Variants in THSD7B observed in about 807,000 individuals in gnomAD.
The protein encoded by THSD7B is thrombospondin type-1 domain-containing protein 7B.
In THSD7B, 138 loss-of-function variants were observed where a neutral mutation model predicts 213.6. The observed-to-expected ratio is 0.65, with a 90% CI of 0.56 to 0.74. THSD7B has a LOEUF of 0.74. Among genes scored for constraint, THSD7B ranks in the 30% least tolerant of loss-of-function variants. The pLI, the probability that THSD7B is intolerant of heterozygous loss-of-function variation, is 0.00. For missense variants in THSD7B, 1,931 were observed against 1,991.5 expected, an observed-to-expected ratio of 0.97 and a Z score of 0.58; for synonymous variants, 742 against 687.0, an observed-to-expected ratio of 1.08 and a Z score of -1.25.
chr2:137,443,875 T>C (rs1209327827), intron 14 of THSD7B, among the ~76,000 whole-genome samples: 1 of 152,114 alleles, frequency 6.6e-6, no homozygotes, highest in African/African-American at 2.4e-5. Context: ...CCAGTAAAAC[T>C]TTTTTGTCAA....
intron 12 of THSD7B, among the ~76,000 whole-genome samples, chr2:137,355,556 C>T (rs896151961): frequency 6.6e-6 from 1 of 152,028 alleles, no homozygotes; most frequent in Non-Finnish European, 1.5e-5. Context: ...TTTGTTCAGA[C>T]CTGAGAGGGG....
chr2:137,218,759 C>A (rs1294253110), intron 7 of THSD7B, among the ~76,000 whole-genome samples: 1 of 152,026 alleles, frequency 6.6e-6, no homozygotes, highest in African/African-American at 2.4e-5. Flanking sequence ...TATTTATTCT[C>A]TCCCCATTCT....
At chr2:137,382,423 CA>C (rs1291215614) in intron 12 of THSD7B, among the ~76,000 whole-genome samples, 1 of 152,204 alleles carries the variant, frequency 6.6e-6, no homozygotes, top group Non-Finnish European at 1.5e-5. Context: ...GTGCATGTGA[CA>C]ACAGATGGTT....
chr2:137,471,034 C>T (rs1022671592), intron 15 of THSD7B, among the ~76,000 whole-genome samples: 5 of 151,160 alleles, frequency 3.3e-5, no homozygotes, highest in Non-Finnish European at 5.9e-5. Context: ...ATTCTCCTCT[C>T]TCAGCCTCCC....
intron 12 of THSD7B, among the ~76,000 whole-genome samples, chr2:137,312,812 C>T (rs1351073714): frequency 6.6e-6 from 1 of 151,806 alleles, no homozygotes; most frequent in African/African-American, 2.4e-5. Context: ...TGTAGTTGAG[C>T]AGTTTTGAGT....
chr2:137,203,926 C>A (rs768269609), intron 7 of THSD7B, among the ~76,000 whole-genome samples: 2 of 152,048 alleles, frequency 1.3e-5, no homozygotes, highest in Admixed American at 1.3e-4. Flanking sequence ...TCCTCACAAC[C>A]TTTTCCTTGT....
intron 2 of THSD7B, among the ~76,000 whole-genome samples, chr2:137,018,569 T>C (rs777558373): frequency 6.6e-6 from 1 of 152,170 alleles, no homozygotes; most frequent in Non-Finnish European, 1.5e-5. Flanking sequence ...TCTGGAAAAT[T>C]CCATTGTATA....
chr2:137,607,675 G>T (rs915774247), intron 17 of THSD7B, among the ~76,000 whole-genome samples: 3 of 151,966 alleles, frequency 2.0e-5, no homozygotes, highest in Non-Finnish European at 4.4e-5. Flanking sequence ...GGAGAATTCA[G>T]CCCAGCATTT....
At chr2:137,539,575 T>G (rs1045821763) in intron 15 of THSD7B, among the ~76,000 whole-genome samples, 2 of 151,716 alleles carry the variant, frequency 1.3e-5, no homozygotes, top group African/African-American at 4.8e-5. Flanking sequence ...CACATTCTGG[T>G]CATGTGCAAA....
chr2:136,919,155 T>C (rs1040793844), intron 2 of THSD7B, among the ~76,000 whole-genome samples: 6 of 152,218 alleles, frequency 3.9e-5, no homozygotes, highest in Admixed American at 6.5e-5. Context: ...GGTAAATAAT[T>C]GGCAACTCAG....
At chr2:137,567,552 G>T (rs1401730124) in intron 16 of THSD7B, among the ~76,000 whole-genome samples, 1 of 152,082 alleles carries the variant, frequency 6.6e-6, no homozygotes, top group Non-Finnish European at 1.5e-5. Context: ...AGAAGTTAAT[G>T]GTTGGAATCG....
Position 136,957,122 on chromosome 2 carries a change from CA to C in THSD7B, c.139+74806del, listed in dbSNP as rs1315562609. On this transcript the variant is annotated intron_variant, in intron 2 of 27. Transcript: ENST00000409968. The stretch of plus-strand genomic sequence containing the variant: ...TCCAGAAGGGCTCATCTCCTAGTCT[CA>C]GGGGGGAGCATGTGACTTGGCTTGG... Among the ~76,000 whole-genome samples, 18 of 152,300 alleles carry C rather than the reference CA, an allele frequency of 1.2e-4. No individual in the cohort carries two copies. In the South Asian group the frequency reaches 3.7e-3, roughly 32 times the overall value.
At chr2:137,271,436 A>C (rs1451744133) in intron 10 of THSD7B, among the ~76,000 whole-genome samples, 1 of 135,336 alleles carries the variant, frequency 7.4e-6, no homozygotes, top group African/African-American at 2.9e-5. Flanking sequence ...TATAATATAT[A>C]TAATATAATA....
At position 136,942,354 on chromosome 2, in the gene THSD7B, T is replaced by G. The variant is rs139260978; in HGVS notation, c.139+60037T>G. Among the ~76,000 whole-genome samples the G allele has an allele frequency of 8.4e-4, 128 of 152,342 alleles. No individual in the cohort carries two copies. In the East Asian group the frequency reaches 0.021, roughly 25 times the overall value. ...GGCTCTTTTTTGGTTCCATATGAAC[T>G]TTAAAGCAGTTTTTTTTTCCAATTC... is the stretch of plus-strand genomic sequence containing the variant. On this transcript the variant is annotated intron_variant, in intron 2 of 27. Coordinates refer to ENST00000409968, the MANE Select transcript of THSD7B (RefSeq NM_001316349.2).
chr2:137,581,771 T>TAAAAAAAAAA (rs1167680028), intron 17 of THSD7B, among the ~76,000 whole-genome samples: 1 of 126,662 alleles, frequency 7.9e-6, no homozygotes, highest in Non-Finnish European at 1.7e-5. Flanking sequence ...AAAAAAAAAA[T>TAAAAAAAAAA]AAAAAAAAAA....
chr2:136,846,005 G>A lies in THSD7B; in HGVS notation c.-35-36139G>A, dbSNP rs142118338. On this transcript the variant is annotated intron_variant, in intron 1 of 27. Transcript: ENST00000409968. ...GCTCTGGTGAGCACAGGGGGTAGTC[G>A]GTCATCTTCCTGTCACTGTCCCTCA... is the stretch of plus-strand genomic sequence containing the variant. 1.5e-3 allele frequency among the ~76,000 whole-genome samples: 224 copies of A among 152,184 alleles called. 1 individual carries two copies. Among genetic ancestry groups the A allele is most frequent in the African/African-American group, 5.0e-3 (207 of 41,520 alleles).
chr2:137,543,119 T>C (rs1680638906), intron 15 of THSD7B, among the ~76,000 whole-genome samples: 1 of 151,808 alleles, frequency 6.6e-6, no homozygotes, highest in Non-Finnish European at 1.5e-5. Context: ...CAGATTATTC[T>C]AATCTTTGTA....
chr2:137,098,541 T>C (rs978840747), intron 4 of THSD7B, among the ~76,000 whole-genome samples: 2 of 152,116 alleles, frequency 1.3e-5, no homozygotes, highest in South Asian at 2.1e-4. Flanking sequence ...GCACAGGTGA[T>C]GAAATTAAAC....
At chr2:137,391,774 C>A (rs548266501) in intron 12 of THSD7B, among the ~76,000 whole-genome samples, 5 of 149,370 alleles carry the variant, frequency 3.3e-5, no homozygotes, top group African/African-American at 1.2e-4. Flanking sequence ...TATTTCTTTT[C>A]TTCTGTTAAC....
Sources: allele counts gnomAD v4.1 joint callset (sites outside exome capture counted in the v4.1 genomes callset), GRCh38; gene constraint gnomAD v4.1.1; transcripts MANE v1.5; gene names NCBI Gene and HGNC (gene_info 2026-07-23, HGNC 2026-07-21).